Variants in PLCL2 observed in about 807,000 individuals in gnomAD.
PLCL2 encodes inactive phospholipase C-like protein 2.
PLCL2 carries 4 observed loss-of-function variants against 79.6 expected under a neutral mutation model. That is an observed-to-expected ratio of 0.05 (90% CI 0.02 to 0.11). The LOEUF (loss-of-function observed/expected upper bound fraction) is 0.11, where lower values mean the gene tolerates loss of function less well. Among genes scored for constraint, PLCL2 ranks in the 10% least tolerant of loss-of-function variants. The pLI is 1.00. For missense variants in PLCL2, 895 were observed against 1,291.0 expected, an observed-to-expected ratio of 0.69 and a Z score of 4.70; for synonymous variants, 484 against 457.7, an observed-to-expected ratio of 1.06 and a Z score of -0.73.
chr3:16,976,084 A>G (rs2063923119), intron 1 of PLCL2, among the ~76,000 whole-genome samples: 2 of 152,208 alleles, frequency 1.3e-5, no homozygotes, highest in East Asian at 1.9e-4. Flanking sequence ...AACAAAATGG[A>G]CATCTCAAAC....
chr3:16,890,674 T>C (rs1696325204), intron 1 of PLCL2, among the ~76,000 whole-genome samples: 1 of 152,216 alleles, frequency 6.6e-6, no homozygotes, highest in Non-Finnish European at 1.5e-5. Context: ...TCTATATTGG[T>C]GGGATTCAAA....
chr3:17,066,645 C>G (rs1298719785), intron 4 of PLCL2, among the ~76,000 whole-genome samples: 1 of 152,008 alleles, frequency 6.6e-6, no homozygotes, highest in Non-Finnish European at 1.5e-5. Flanking sequence ...CAGTAGGGGA[C>G]TGGTTAAATA....
chr3:17,046,267 T>C (rs1247108137), intron 4 of PLCL2, among the ~76,000 whole-genome samples: 1 of 152,210 alleles, frequency 6.6e-6, no homozygotes, highest in East Asian at 1.9e-4. Flanking sequence ...TGTATAAAAG[T>C]TGGGAAAAGA....
intron 4 of PLCL2, among the ~76,000 whole-genome samples, chr3:17,052,126 A>G (rs538323530): frequency 5.5e-4 from 83 of 152,270 alleles, no homozygotes; most frequent in African/African-American, 1.7e-3. Flanking sequence ...AAATCCATGA[A>G]AGTCATCGAG....
At chr3:17,078,105 C>T (rs901240430) in intron 5 of PLCL2, among the ~76,000 whole-genome samples, 1 of 152,164 alleles carries the variant, frequency 6.6e-6, no homozygotes, top group Admixed American at 6.5e-5. Context: ...CCAGTGGTCC[C>T]GATAAACCTC....
chr3:16,903,873 G>T (rs1261296446), intron 1 of PLCL2, among the ~76,000 whole-genome samples: 5 of 152,194 alleles, frequency 3.3e-5, no homozygotes, highest in Admixed American at 6.5e-5. Flanking sequence ...TCTTAAGCAG[G>T]TTTTGGCAGA....
At chr3:16,929,893 T>C (rs1697353285) in intron 1 of PLCL2, among the ~76,000 whole-genome samples, 1 of 152,228 alleles carries the variant, frequency 6.6e-6, no homozygotes, top group Non-Finnish European at 1.5e-5. Context: ...GGGCTTTGTT[T>C]ATAGACTTCT....
intron 4 of PLCL2, among the ~76,000 whole-genome samples, chr3:17,064,174 G>T (rs2064984833): frequency 6.6e-6 from 1 of 152,172 alleles, no homozygotes; most frequent in Non-Finnish European, 1.5e-5. Context: ...GAACTGTGAA[G>T]ACCTCCTGTG....
At chr3:16,966,315 T>G (rs2063806219) in intron 1 of PLCL2, among the ~76,000 whole-genome samples, 1 of 151,862 alleles carries the variant, frequency 6.6e-6, no homozygotes, top group Admixed American at 6.6e-5. Flanking sequence ...TATGCTGGAT[T>G]ATGTTTATTG....
chr3:17,045,717 A>C (rs1472731581), intron 4 of PLCL2, among the ~76,000 whole-genome samples: 1 of 152,220 alleles, frequency 6.6e-6, no homozygotes, highest in Non-Finnish European at 1.5e-5. Flanking sequence ...GACCCAGTGA[A>C]GAGGAAGACA....
At chr3:16,940,898 C>T (rs557367757) in intron 1 of PLCL2, among the ~76,000 whole-genome samples, 1 of 152,198 alleles carries the variant, frequency 6.6e-6, no homozygotes, top group Non-Finnish European at 1.5e-5. Context: ...GGCTGCTGCT[C>T]CTACTTCTAC....
At chr3:17,068,748 A>G (rs1247181836) in intron 5 of PLCL2, among the ~76,000 whole-genome samples, 2 of 152,180 alleles carry the variant, frequency 1.3e-5, no homozygotes, top group African/African-American at 4.8e-5. Flanking sequence ...TTTGCTGTGC[A>G]TTCTCTCAGG....
rs751236658 is a variant in PLCL2 at position 17,041,893 on chromosome 3, A to C, written c.3019-981A>C. ...TAGGAGTTGGAGAGTGCACTGAGCT[A>C]TGATTGCACCACTGCACTCCAGCCT... is the stretch of plus-strand genomic sequence containing the variant. On this transcript the variant is annotated intron_variant, in intron 3 of 5. Coordinates refer to ENST00000615277, the MANE Select transcript of PLCL2 (RefSeq NM_001144382.2). 3.3e-5 allele frequency among the ~76,000 whole-genome samples: 5 copies of C among 152,252 alleles called. No individual in the cohort carries two copies. In the East Asian group the frequency reaches 7.7e-4, roughly 23 times the overall value.
At position 17,010,894 on chromosome 3, in the gene PLCL2, C is replaced by G. The variant is rs777977507; in HGVS notation, c.1548C>G (p.Ile516Met). The change falls in exon 2 of 6, where the codon ATC becomes ATG. Residue 516 changes from isoleucine (I) to methionine (M), a missense_variant. By Grantham distance (10) the Ile-to-Met change is conservative. Around this residue, in one of 6 missense-constraint regions of PLCL2, gnomAD observed 242 missense variants for 399.5 expected, o/e 0.61. Transcript: ENST00000615277. This position sits in a 1 kb window ranked among gnomAD's most constrained non-coding sequence, Gnocchi z 5.8. The stretch of plus-strand genomic sequence containing the variant: ...TCTTTGCTTCAGAGTATCCTCTTAT[C>G]TTGTGTTTAGAAAACCACTGTTCCA... ...YAFFASEYPL[I>M]LCLENHCSIK... 6.8e-6 allele frequency: 11 copies of G among 1,613,944 alleles called. No individual in the cohort carries two copies. Among genetic ancestry groups the G allele is most frequent in the Non-Finnish European group, 7.6e-6 (9 of 1,179,982 alleles).
At chr3:16,974,266 G>A (rs2063901440) in intron 1 of PLCL2, among the ~76,000 whole-genome samples, 1 of 152,080 alleles carries the variant, frequency 6.6e-6, no homozygotes, top group Admixed American at 6.5e-5. Flanking sequence ...ATCAAAATCG[G>A]GTCTCACAGC....
chr3:16,993,553 C>T (rs1013178653), intron 1 of PLCL2, among the ~76,000 whole-genome samples: 10 of 152,144 alleles, frequency 6.6e-5, no homozygotes, highest in African/African-American at 2.2e-4. Flanking sequence ...GGTATGGCAG[C>T]CTGACTCTTG....
chr3:17,043,784 T>C (rs1306616784), intron 4 of PLCL2, among the ~76,000 whole-genome samples: 1 of 152,224 alleles, frequency 6.6e-6, no homozygotes, highest in African/African-American at 2.4e-5. Flanking sequence ...ACATTTTTTT[T>C]CTAATATCTA....
chr3:17,050,934 A>C (rs2064832808), intron 4 of PLCL2, among the ~76,000 whole-genome samples: 1 of 152,216 alleles, frequency 6.6e-6, no homozygotes, highest in African/African-American at 2.4e-5. Context: ...TGTGTGTGAT[A>C]CTTATACACA....
intron 3 of PLCL2, among the ~76,000 whole-genome samples, chr3:17,029,501 C>T (rs2064558388): frequency 6.6e-6 from 1 of 152,066 alleles, no homozygotes; most frequent in African/African-American, 2.4e-5. Context: ...GAACATCCCT[C>T]ATATGTGTAC....
Sources: gnomAD v4.1 joint callset for allele counts (sites outside exome capture counted in the v4.1 genomes callset) on GRCh38, gnomAD v4.1.1 for gene constraint, gnomAD v4.1.1 regional missense constraint, Gnocchi (gnomAD v3.1) non-coding constraint, MANE v1.5 for transcripts, NCBI Gene and HGNC (gene_info 2026-07-23, HGNC 2026-07-21) for gene names.